SDK1: variants seen among roughly 807,000 people sequenced by gnomAD.
SDK1 encodes sidekick cell adhesion molecule 1.
In SDK1, 157 loss-of-function variants were observed where a neutral mutation model predicts 245.5. The observed-to-expected ratio is 0.64, with a 90% CI of 0.56 to 0.73. The LOEUF is 0.73. Ranked by LOEUF, SDK1 falls within the 30% of genes least tolerant of loss-of-function variation. The pLI, the probability that SDK1 is intolerant of heterozygous loss-of-function variation, is 0.00. For missense variants in SDK1, 3,583 were observed against 3,002.3 expected, an observed-to-expected ratio of 1.19 and a Z score of -4.52; for synonymous variants, 1,647 against 1,278.5, an observed-to-expected ratio of 1.29 and a Z score of -6.15.
chr7:3,771,869 A>G (rs1780414095), intron 4 of SDK1, among the ~76,000 whole-genome samples: 1 of 152,168 alleles, frequency 6.6e-6, no homozygotes, highest in African/African-American at 2.4e-5. Flanking sequence ...AACTCTTTTC[A>G]TCTTGCAGAA....
intron 44 of SDK1, among the ~76,000 whole-genome samples, chr7:4,248,636 G>C (rs185160305): frequency 6.7e-5 from 10 of 150,186 alleles, no homozygotes; most frequent in Admixed American, 5.3e-4. Context: ...ACACACACAT[G>C]TACACATACC....
At chr7:4,074,825 T>C (rs371926683) in intron 20 of SDK1, among the ~76,000 whole-genome samples, 2 of 139,766 alleles carry the variant, frequency 1.4e-5, no homozygotes, top group Admixed American at 1.5e-4. Flanking sequence ...ATCACCCCAC[T>C]GCACTCCAGC....
At chr7:3,624,773 T>C (rs542598781) in intron 2 of SDK1, among the ~76,000 whole-genome samples, 2 of 151,962 alleles carry the variant, frequency 1.3e-5, no homozygotes, top group Non-Finnish European at 2.9e-5. Flanking sequence ...AGGCCAGGCA[T>C]GGTGGCTCAC....
chr7:3,538,122 G>T (rs1163491670), intron 1 of SDK1, among the ~76,000 whole-genome samples: 2 of 152,176 alleles, frequency 1.3e-5, no homozygotes, highest in Admixed American at 6.5e-5. Flanking sequence ...ATAAAATCCA[G>T]ATTTCTTAGC....
intron 1 of SDK1, among the ~76,000 whole-genome samples, chr7:3,392,760 G>A (rs76567996): frequency 6.6e-6 from 1 of 151,790 alleles, no homozygotes; most frequent in Non-Finnish European, 1.5e-5. Context: ...ATGTTTTCAA[G>A]ATTCATTCAT....
intron 4 of SDK1, among the ~76,000 whole-genome samples, chr7:3,759,107 C>G (rs1193940707): frequency 6.6e-6 from 1 of 152,164 alleles, no homozygotes; most frequent in Non-Finnish European, 1.5e-5. Flanking sequence ...CTGCGAGAAA[C>G]AAATTTACCA....
chr7:3,424,510 A>G (rs1417044877), intron 1 of SDK1, among the ~76,000 whole-genome samples: 1 of 152,196 alleles, frequency 6.6e-6, no homozygotes, highest in Non-Finnish European at 1.5e-5. Flanking sequence ...AAAATGAGAA[A>G]TTTGAAGATA....
chr7:4,052,404 G>A (rs944880580), intron 19 of SDK1, among the ~76,000 whole-genome samples: 22 of 152,014 alleles, frequency 1.4e-4, no homozygotes, highest in Non-Finnish European at 2.9e-4. Flanking sequence ...AAGGCGGCTC[G>A]TTACAGTTAT....
At chr7:4,182,287 A>G (rs1424547338) in intron 35 of SDK1, among the ~76,000 whole-genome samples, 1 of 152,124 alleles carries the variant, frequency 6.6e-6, no homozygotes, top group African/African-American at 2.4e-5. Flanking sequence ...TCTGTGCGGT[A>G]TCCTGGGTGC....
intron 17 of SDK1, among the ~76,000 whole-genome samples, chr7:4,030,342 A>G (rs1787703104): frequency 6.6e-6 from 1 of 152,250 alleles, no homozygotes; most frequent in African/African-American, 2.4e-5. Flanking sequence ...AGGGGAACCA[A>G]TGGGCAGAAG....
intron 5 of SDK1, among the ~76,000 whole-genome samples, chr7:3,872,497 A>G (rs1166634339): frequency 1.4e-5 from 2 of 144,120 alleles, no homozygotes; most frequent in Non-Finnish European, 3.0e-5. Context: ...TTCTTAAGTG[A>G]GTTTTTGTAG....
chr7:3,567,925 T>C (rs1391182981), intron 1 of SDK1, among the ~76,000 whole-genome samples: 1 of 152,186 alleles, frequency 6.6e-6, no homozygotes, highest in African/African-American at 2.4e-5. Flanking sequence ...GGGCTGATCT[T>C]CCCACCTCAG....
chr7:3,696,075 T>G (rs1784564655), intron 4 of SDK1, among the ~76,000 whole-genome samples: 1 of 152,190 alleles, frequency 6.6e-6, no homozygotes, highest in East Asian at 1.9e-4. Context: ...TCCCTTGTTC[T>G]TATGCAATAC....
At chr7:3,315,103 T>A (rs1779633784) in intron 1 of SDK1, among the ~76,000 whole-genome samples, 1 of 152,128 alleles carries the variant, frequency 6.6e-6, no homozygotes, top group Non-Finnish European at 1.5e-5. Context: ...TTCTGGTGGC[T>A]TTCACAGTGG....
chr7:4,178,645 C>T (rs937914437), intron 35 of SDK1, 59 bp downstream of exon 35: 3 of 1,250,228 alleles, frequency 2.4e-6, no homozygotes, highest in East Asian at 2.3e-5. Context: ...TGGGGACAGC[C>T]AGGCACGCTG....
intron 4 of SDK1, among the ~76,000 whole-genome samples, chr7:3,748,129 A>G (rs897239540): frequency 2.6e-5 from 4 of 152,212 alleles, no homozygotes; most frequent in Non-Finnish European, 2.9e-5. Flanking sequence ...ATGACATAAT[A>G]GTTAATGCTA....
chr7:3,437,002 A>C (rs1404549397), intron 1 of SDK1, among the ~76,000 whole-genome samples: 1 of 152,190 alleles, frequency 6.6e-6, no homozygotes, highest in African/African-American at 2.4e-5. Context: ...CCTGGGTTAT[A>C]TATGTAAGGG....
At chr7:3,987,486 C>A (rs562262246) in intron 14 of SDK1, among the ~76,000 whole-genome samples, 164 bp downstream of exon 14, 1 of 152,214 alleles carries the variant, frequency 6.6e-6, no homozygotes, top group African/African-American at 2.4e-5. Flanking sequence ...AAAGAAAAAA[C>A]CATGCAGGAC....
intron 1 of SDK1, among the ~76,000 whole-genome samples, chr7:3,326,634 C>G (rs1779947539): frequency 6.6e-6 from 1 of 152,150 alleles, no homozygotes; most frequent in Admixed American, 6.5e-5. Flanking sequence ...GCTACATCTT[C>G]TCACCAACAC....
Sources: gnomAD v4.1 joint callset for allele counts (sites outside exome capture counted in the v4.1 genomes callset) on GRCh38, gnomAD v4.1.1 for gene constraint, MANE v1.5 for transcripts, NCBI Gene and HGNC (gene_info 2026-07-23, HGNC 2026-07-21) for gene names.